PHYH: variants seen among roughly 807,000 people sequenced by gnomAD.
The protein encoded by PHYH is phytanoyl-CoA 2-hydroxylase.
Under a neutral mutation model 38.5 loss-of-function variants are expected in PHYH, and 32 were observed. The ratio of observed to expected loss-of-function variants is 0.83; its 90% CI spans 0.63 to 1.12. PHYH has a LOEUF of 1.12. Among genes scored for constraint, PHYH ranks in the 50% most tolerant of loss-of-function variants. The pLI is 0.00. For missense variants in PHYH, 426 were observed against 434.8 expected (o/e 0.98, Z 0.18); for synonymous variants, 166 against 157.9 (o/e 1.05, Z -0.38).
chr10:13,285,010 T>G (rs188903017), intron 6 of PHYH, among the ~76,000 whole-genome samples: 55 of 152,244 alleles, frequency 3.6e-4, no homozygotes, highest in Non-Finnish European at 5.9e-4. Flanking sequence ...CCCTGCAAAC[T>G]TTTCCCTTTG....
chr10:13,295,312 A>G, intron 3 of PHYH, 184 bp downstream of exon 3: 1 of 584,244 alleles, frequency 1.7e-6, no homozygotes, highest in Non-Finnish European at 3.0e-6. Context: ...TACACAACAG[A>G]GTGAGAACCT....
intron 4 of PHYH, among the ~76,000 whole-genome samples, chr10:13,292,154 T>C (rs1218895749): frequency 6.6e-6 from 1 of 152,194 alleles, no homozygotes; most frequent in Admixed American, 6.5e-5. Context: ...CCATTTTTTC[T>C]CTACAAGAAA....
chr10:13,295,703 A>C, intron 2 of PHYH, 97 bp from the exon 3 acceptor site: 1 of 701,356 alleles, frequency 1.4e-6, no homozygotes, highest in Non-Finnish European at 2.6e-6. Flanking sequence ...TAGCGGGCCG[A>C]GGCAAGTGGA....
Position 13,280,957 on chromosome 10 carries a change from C to G in PHYH, c.963+19G>C. On this transcript the variant is annotated intron_variant, in intron 8 of 8. Coordinates refer to ENST00000263038, the MANE Select transcript of PHYH (RefSeq NM_006214.4). ...AGAAAAACCTGAGATTTTTACCTTGCTATTGTATACAAACATACCTTCAAG... is the reference window on the plus strand; with the variant it reads ...AGAAAAACCTGAGATTTTTACCTTGGTATTGTATACAAACATACCTTCAAG... 1.9e-6 allele frequency: 3 copies of G among 1,611,892 alleles called. No homozygotes were observed. Among genetic ancestry groups the G allele is most frequent in the Non-Finnish European group, 2.5e-6 (3 of 1,178,012 alleles).
At chr10:13,296,702 C>A (rs1450941725) in intron 2 of PHYH, among the ~76,000 whole-genome samples, 1 of 151,914 alleles carries the variant, frequency 6.6e-6, no homozygotes, top group Non-Finnish European at 1.5e-5. Flanking sequence ...TGGCTCATGC[C>A]TGTAATCCTA....
At chr10:13,281,978 G>A (rs894386178) in intron 7 of PHYH, among the ~76,000 whole-genome samples, 13 of 152,220 alleles carry the variant, frequency 8.5e-5, no homozygotes, top group Non-Finnish European at 1.5e-5. Context: ...GGGCACGGTG[G>A]CTCATGCCTG....
chr10:13,290,226 C>CAGAGGTTG (rs1352770989), intron 5 of PHYH, among the ~76,000 whole-genome samples: 2 of 150,194 alleles, frequency 1.3e-5, no homozygotes, highest in African/African-American at 4.9e-5. Flanking sequence ...ACCCCAGAGG[C>CAGAGGTTG]AGAGGTTGCA....
At position 13,281,108 on chromosome 10, in the gene PHYH, T is replaced by C. The variant is rs769829883; in HGVS notation, c.831A>G (p.Ala277=). 1.9e-6 allele frequency: 3 copies of C among 1,614,052 alleles called. No individual in the cohort carries two copies. Among genetic ancestry groups the C allele is most frequent in the Non-Finnish European group, 2.5e-6 (3 of 1,180,032 alleles). Residue 277 remains alanine, a splice_region_variant and synonymous_variant, in exon 8 of 9, where the codon GCA becomes GCG. Transcript: ENST00000263038. Reference sequence around the variant, plus strand: ...CGGCACTGGCGAAATGGCAGGAAATTGCCTGTGCAAAGTGAACAAATTGAT... The same window carrying C: ...CGGCACTGGCGAAATGGCAGGAAATCGCCTGTGCAAAGTGAACAAATTGAT... The part of the protein sequence containing the change: ...GQNKTQGFRK[A]ISCHFASADC...
rs1835830814 is a variant in PHYH, at chr10:13,295,709, G to A, written c.135-103C>T. 1.3e-5 allele frequency: 9 copies of A among 693,034 alleles called. No individual in the cohort carries two copies. In the South Asian group the frequency reaches 1.4e-4, roughly 11 times the overall value. The allele number at this position is 693,034 out of a possible 1,614,324, so 42.9% of individuals were successfully genotyped here. A position where few individuals can be genotyped will look rare whatever the true frequency, so the allele number is the denominator to read the frequency against. ...CTAGCACTTTAGCGGGCCGAGGCAA[G>A]TGGATCACTTGAGGTCAGGAGTTTG... On this transcript the variant is annotated intron_variant, in intron 2 of 8. Transcript: ENST00000263038.
intron 5 of PHYH, 61 bp downstream of exon 5, chr10:13,291,770 C>T: frequency 2.7e-6 from 3 of 1,118,036 alleles, no homozygotes; most frequent in Non-Finnish European, 2.7e-6. Flanking sequence ...TGAGTTACTG[C>T]ACCCAGCCAA....
chr10:13,281,161 A>C (rs1242606787), intron 7 of PHYH, 51 bp from the exon 8 acceptor site: 20 of 1,584,730 alleles, frequency 1.3e-5, no homozygotes, highest in Non-Finnish European at 1.6e-5. Flanking sequence ...CATGAATACC[A>C]GTGACCAAGC....
intron 2 of PHYH, among the ~76,000 whole-genome samples, chr10:13,297,128 A>C (rs2131659072): frequency 6.6e-6 from 1 of 152,292 alleles, no homozygotes; most frequent in South Asian, 2.1e-4. Flanking sequence ...TAGAAATGGA[A>C]TTAGGGATGA....
At chr10:13,288,173 A>G (rs532330151) in intron 6 of PHYH, among the ~76,000 whole-genome samples, 187 bp downstream of exon 6, 55 of 152,302 alleles carry the variant, frequency 3.6e-4, no homozygotes, top group African/African-American at 1.3e-3. Context: ...AAAAGTGTTG[A>G]AAATAGGTGT....
At chr10:13,295,320 C>A (rs1835818485) in intron 3 of PHYH, 176 bp downstream of exon 3, 1 of 590,800 alleles carries the variant, frequency 1.7e-6, no homozygotes, top group African/African-American at 1.9e-5. Context: ...AGAGTGAGAA[C>A]CTTTCTCTAT....
intron 7 of PHYH, 83 bp from the exon 8 acceptor site, chr10:13,281,193 G>C (rs1835403832): frequency 1.4e-5 from 19 of 1,383,780 alleles, no homozygotes; most frequent in Non-Finnish European, 1.9e-5. Context: ...CTTTTAGAAA[G>C]TCATTTATTT....
rs758218321 is a variant in PHYH at position 13,278,309 on chromosome 10, T to C, written c.1009A>G (p.Asn337Asp). The change falls in exon 9 of 9, where the codon AAT becomes GAT. Residue 337 changes from asparagine to aspartate, a missense_variant. Coordinates refer to ENST00000263038, the MANE Select transcript of PHYH (RefSeq NM_006214.4). ...RARLVKGERT[N>D]L is the part of the protein sequence containing the mutation. ...TATAGCAGATGGCTATTTCAAAGAT[T>C]GGTTCTTTCTCCTTTCACAAGTCGA... 9.9e-6 allele frequency: 16 copies of C among 1,609,598 alleles called. No individual in the cohort carries two copies. The East Asian group carries it at 2.2e-4, about 22-fold the overall frequency.
chr10:13,288,057 G>A (rs1019244152), intron 6 of PHYH, among the ~76,000 whole-genome samples: 2 of 152,172 alleles, frequency 1.3e-5, no homozygotes, highest in Non-Finnish European at 2.9e-5. Context: ...GTGCACACCC[G>A]TAGTCCCAGC....
chr10:13,281,418 T>C lies in PHYH; in HGVS notation c.829-308A>G, dbSNP rs150065553. Among the ~76,000 whole-genome samples, 132 of 151,512 alleles carry C rather than the reference T, an allele frequency of 8.7e-4. No homozygotes were observed. In the East Asian group the frequency reaches 0.019, roughly 22 times the overall value. On this transcript the variant is annotated intron_variant, in intron 7 of 8. Coordinates refer to ENST00000263038, the MANE Select transcript of PHYH (RefSeq NM_006214.4). ...TATTTAGTTTTTTTTTTTTTTAGCATTTTATTTTCCTAATGAATGAATATC... is the reference window on the plus strand; with the variant it reads ...TATTTAGTTTTTTTTTTTTTTAGCACTTTATTTTCCTAATGAATGAATATC...
At chr10:13,283,036 G>A (rs1380743089) in intron 7 of PHYH, among the ~76,000 whole-genome samples, 3 of 151,772 alleles carry the variant, frequency 2.0e-5, no homozygotes, top group East Asian at 3.9e-4. Flanking sequence ...GCCCAGACTG[G>A]TCTAGAGCTC....
Sources: allele counts gnomAD v4.1 joint callset (sites outside exome capture counted in the v4.1 genomes callset), GRCh38; gene constraint gnomAD v4.1.1; transcripts MANE v1.5; gene names NCBI Gene and HGNC (gene_info 2026-07-23, HGNC 2026-07-21).